The following PPM1E variants were observed in gnomAD, a reference collection of about 807,000 sequenced individuals.
PPM1E encodes protein phosphatase 1E.
Under a neutral mutation model 65.9 loss-of-function variants are expected in PPM1E, and 20 were observed. The ratio of observed to expected loss-of-function variants is 0.30; its 90% CI spans 0.21 to 0.44. The LOEUF (loss-of-function observed/expected upper bound fraction) is 0.44. Among genes scored for constraint, PPM1E ranks in the 20% least tolerant of loss-of-function variants. The probability of loss-of-function intolerance (pLI) is 1.00; values close to 1 mark genes in which losing one functional copy is unlikely to be tolerated. For missense variants in PPM1E, 713 were observed against 953.1 expected, an observed-to-expected ratio of 0.75 and a Z score of 3.32; for synonymous variants, 352 against 374.9, an observed-to-expected ratio of 0.94 and a Z score of 0.70.
chr17:58,760,883 G>A (rs1296879757), intron 1 of PPM1E, among the ~76,000 whole-genome samples: 1 of 152,182 alleles, frequency 6.6e-6, no homozygotes, highest in Non-Finnish European at 1.5e-5. Context: ...ACAAAGACAA[G>A]CTACAAATTA....
At chr17:58,961,801 T>G (rs1011985966) in intron 2 of PPM1E, among the ~76,000 whole-genome samples, 2 of 152,204 alleles carry the variant, frequency 1.3e-5, no homozygotes, top group Non-Finnish European at 2.9e-5. Context: ...AAATTTTATT[T>G]AATTTTAACT....
chr17:58,877,032 C>T (rs1195023188), intron 1 of PPM1E, among the ~76,000 whole-genome samples: 5 of 152,206 alleles, frequency 3.3e-5, no homozygotes, highest in Admixed American at 3.3e-4. Context: ...ATCCGCCCGC[C>T]TCGGCCTCCC....
intron 1 of PPM1E, among the ~76,000 whole-genome samples, chr17:58,805,370 C>G (rs952302477): frequency 1.1e-4 from 16 of 152,278 alleles, no homozygotes; most frequent in Middle Eastern, 6.8e-3. Context: ...CTTGCCTCAA[C>G]CTCCCGAGTA....
At chr17:58,909,381 T>G (rs1348292651) in intron 1 of PPM1E, among the ~76,000 whole-genome samples, 1 of 152,020 alleles carries the variant, frequency 6.6e-6, no homozygotes, top group Non-Finnish European at 1.5e-5. Context: ...CTCAGCCTCC[T>G]TAGTAGCTAG....
At chr17:58,756,960 C>A (rs1345312870) in intron 1 of PPM1E, among the ~76,000 whole-genome samples, 2 of 152,184 alleles carry the variant, frequency 1.3e-5, no homozygotes, top group African/African-American at 4.8e-5. Flanking sequence ...GACTGAGCTG[C>A]GAGGTGCCTC....
chr17:58,863,054 CTGACTT>C (rs1158991990), intron 1 of PPM1E, among the ~76,000 whole-genome samples: 2 of 152,158 alleles, frequency 1.3e-5, no homozygotes, highest in East Asian at 3.9e-4. Flanking sequence ...TGTGGAATGT[CTGACTT>C]TGAATGGCTT....
At chr17:58,771,060 T>G (rs1176147543) in intron 1 of PPM1E, among the ~76,000 whole-genome samples, 2 of 151,850 alleles carry the variant, frequency 1.3e-5, no homozygotes, top group East Asian at 3.9e-4. Context: ...TTTCACCATG[T>G]TGGCCAGGAT....
chr17:58,759,901 T>C (rs1012623000), intron 1 of PPM1E, among the ~76,000 whole-genome samples: 1 of 152,250 alleles, frequency 6.6e-6, no homozygotes, highest in Non-Finnish European at 1.5e-5. Context: ...TTTACAAATA[T>C]ATAAATGGAA....
intron 1 of PPM1E, among the ~76,000 whole-genome samples, chr17:58,777,051 G>A (rs2050000582): frequency 6.6e-6 from 1 of 151,988 alleles, no homozygotes; most frequent in Admixed American, 6.6e-5. Context: ...GGGCAACATA[G>A]CAAGTCCCCG....
chr17:58,824,185 T>C (rs536995735), intron 1 of PPM1E, among the ~76,000 whole-genome samples: 1 of 152,294 alleles, frequency 6.6e-6, no homozygotes, highest in Admixed American at 6.5e-5. Flanking sequence ...CAATTCAAGG[T>C]AGAAAATGTA....
At chr17:58,758,126 A>G (rs1356148967) in intron 1 of PPM1E, among the ~76,000 whole-genome samples, 1 of 152,244 alleles carries the variant, frequency 6.6e-6, no homozygotes, top group Admixed American at 6.5e-5. Flanking sequence ...CAAACTTTAG[A>G]AAGTGTCCAA....
chr17:58,910,176 A>T (rs899914077), intron 1 of PPM1E, among the ~76,000 whole-genome samples: 1 of 151,696 alleles, frequency 6.6e-6, no homozygotes, highest in Non-Finnish European at 1.5e-5. Flanking sequence ...GTTCTTGAGT[A>T]TTCTGTTCTG....
chr17:58,949,963 T>G (rs2052213714), intron 1 of PPM1E, among the ~76,000 whole-genome samples: 1 of 152,240 alleles, frequency 6.6e-6, no homozygotes, highest in African/African-American at 2.4e-5. Flanking sequence ...AAGTTTCTGC[T>G]GAGAAAGCTG....
intron 1 of PPM1E, among the ~76,000 whole-genome samples, chr17:58,827,997 T>TC (rs1399929508): frequency 6.6e-6 from 1 of 150,516 alleles, no homozygotes; most frequent in Non-Finnish European, 1.5e-5. Flanking sequence ...GGTGGGCAGA[T>TC]CACCCGAGGT....
chr17:58,788,875 T>A (rs1047861070), intron 1 of PPM1E, among the ~76,000 whole-genome samples: 2 of 152,192 alleles, frequency 1.3e-5, no homozygotes, highest in Non-Finnish European at 2.9e-5. Flanking sequence ...GTTAAAGAAG[T>A]GAATTCAGTG....
chr17:58,832,541 C>G (rs1248775677), intron 1 of PPM1E, among the ~76,000 whole-genome samples: 1 of 152,098 alleles, frequency 6.6e-6, no homozygotes, highest in African/African-American at 2.4e-5. Flanking sequence ...TCAATTGGTG[C>G]TCCTTTTTAA....
intron 1 of PPM1E, among the ~76,000 whole-genome samples, chr17:58,888,406 C>T (rs1435594035): frequency 8.1e-6 from 1 of 123,950 alleles, no homozygotes; most frequent in Non-Finnish European, 1.6e-5. Context: ...GTTCTGTCAT[C>T]CAGGCTAGAG....
At chr17:58,920,972 A>G (rs1460086172) in intron 1 of PPM1E, among the ~76,000 whole-genome samples, 1 of 152,220 alleles carries the variant, frequency 6.6e-6, no homozygotes, top group Non-Finnish European at 1.5e-5. Context: ...AGAAGTGGTG[A>G]CCTAAAAGTG....
At position 58,827,911 on chromosome 17, in the gene PPM1E, AAAT is replaced by A. The variant is rs34556547; in HGVS notation, c.464+71472_464+71474del. Reference sequence around the variant, plus strand: ...AGCGAGACTCCATCTCAAAAAAAAAAAATAATAATAATAATAATAATAATTGGC... The same window carrying A: ...AGCGAGACTCCATCTCAAAAAAAAAAAATAATAATAATAATAATAATTGGC... On this transcript the variant is annotated intron_variant, in intron 1 of 6. Coordinates refer to ENST00000308249, the MANE Select transcript of PPM1E (RefSeq NM_014906.5). 3.7e-4 allele frequency among the ~76,000 whole-genome samples: 53 copies of A among 144,668 alleles called. 1 individual carries two copies. The highest frequency in any genetic ancestry group is 4.1e-4 in the African/African-American group (16 of 38,980). 94.9% of individuals were successfully genotyped at this position (144,668 alleles called of 152,430 possible). A position where few individuals can be genotyped will look rare whatever the true frequency, so the allele number is the denominator to read the frequency against.
Sources: gnomAD v4.1 joint callset for allele counts (sites outside exome capture counted in the v4.1 genomes callset) on GRCh38, gnomAD v4.1.1 for gene constraint, MANE v1.5 for transcripts, NCBI Gene and HGNC (gene_info 2026-07-23, HGNC 2026-07-21) for gene names.